The following METTL8 variants were observed in gnomAD, a reference collection of about 807,000 sequenced individuals.
METTL8 encodes methyltransferase 8, tRNA N3-cytidine.
Under a neutral mutation model 48.7 loss-of-function variants are expected in METTL8, and 32 were observed. The ratio of observed to expected loss-of-function variants is 0.66; its 90% CI spans 0.50 to 0.88. The LOEUF (loss-of-function observed/expected upper bound fraction) is 0.88, where lower values mean the gene tolerates loss of function less well. Ranked by LOEUF, METTL8 falls within the 40% of genes least tolerant of loss-of-function variation. The pLI is 0.00. For missense variants in METTL8, 464 were observed against 474.4 expected, an observed-to-expected ratio of 0.98 and a Z score of 0.20; for synonymous variants, 136 against 157.1, an observed-to-expected ratio of 0.87 and a Z score of 1.01.
At chr2:171,430,185 CCGTCT>C (rs2105685303) in intron 1 of METTL8, among the ~76,000 whole-genome samples, 1 of 152,148 alleles carries the variant, frequency 6.6e-6, no homozygotes, top group East Asian at 1.9e-4. Flanking sequence ...TGGTGAAACC[CCGTCT>C]CTACTAAAAA....
intron 1 of METTL8, among the ~76,000 whole-genome samples, chr2:171,422,013 T>C (rs151208445): frequency 6.6e-6 from 1 of 152,180 alleles, no homozygotes; most frequent in East Asian, 1.9e-4. Flanking sequence ...AAAGTGTCAA[T>C]GGCAAAAAAG....
chr2:171,366,585 A>C (rs1179437752), intron 2 of METTL8, among the ~76,000 whole-genome samples: 1 of 152,242 alleles, frequency 6.6e-6, no homozygotes, highest in Admixed American at 6.5e-5. Flanking sequence ...AAGGACTTTA[A>C]AACAGTATTG....
At chr2:171,356,214 C>A (rs1273804840) in intron 3 of METTL8, among the ~76,000 whole-genome samples, 2 of 152,062 alleles carry the variant, frequency 1.3e-5, no homozygotes, top group Non-Finnish European at 2.9e-5. Context: ...GATCTTGACT[C>A]ACTGCAACCT....
intron 2 of METTL8, among the ~76,000 whole-genome samples, chr2:171,363,796 A>ATATG (rs1685417089): frequency 8.5e-6 from 1 of 117,400 alleles, no homozygotes; most frequent in Non-Finnish European, 1.8e-5. Flanking sequence ...CAAATTTTAT[A>ATATG]TATATATATA....
At chr2:171,327,298 G>C (rs1482142031) in intron 7 of METTL8, among the ~76,000 whole-genome samples, 1 of 152,174 alleles carries the variant, frequency 6.6e-6, no homozygotes, top group Non-Finnish European at 1.5e-5. Flanking sequence ...TTATGGGCCA[G>C]GGATGGCATA....
rs945828788 is a variant in METTL8 at position 171,318,326 on chromosome 2, T to C, written c.*5846A>G. The stretch of plus-strand genomic sequence containing the variant: ...AATTGGTATTAATGTGGCATTAATG[T>C]ACATACAATGTTTTAAATAACGATG... On this transcript the variant is annotated 3_prime_UTR_variant, in exon 10 of 10. Coordinates refer to ENST00000375258, the MANE Select transcript of METTL8 (RefSeq NM_001321154.2). The C allele has an allele frequency of 1.3e-5, 2 of 152,254 alleles. No homozygotes were observed. The highest frequency in any genetic ancestry group is 2.9e-5 in the Non-Finnish European group (2 of 68,046). The allele number at this position is 152,254 out of a possible 1,614,324, so 9.4% of individuals were successfully genotyped here.
At chr2:171,331,918 C>T (rs372029049) in intron 5 of METTL8, 51 bp from the exon 6 acceptor site, 520 of 1,367,972 alleles carry the variant, frequency 3.8e-4, no homozygotes, top group Non-Finnish European at 4.6e-4. Context: ...CAGGGTCTTG[C>T]GCTGTTGCCC....
At chr2:171,333,655 A>G (rs1281770272) in intron 5 of METTL8, among the ~76,000 whole-genome samples, 1 of 152,162 alleles carries the variant, frequency 6.6e-6, no homozygotes, top group Non-Finnish European at 1.5e-5. Context: ...TTCTGATTAA[A>G]TCCATATAAT....
At chr2:171,400,039 A>T (rs917879624) in intron 1 of METTL8, among the ~76,000 whole-genome samples, 3 of 151,356 alleles carry the variant, frequency 2.0e-5, no homozygotes, top group Admixed American at 6.6e-5. Context: ...TGTAAATTTC[A>T]TTTTTTTTTA....
intron 1 of METTL8, among the ~76,000 whole-genome samples, chr2:171,396,489 G>C (rs56403470): frequency 0.071 from 10,752 of 152,052 alleles, 518 homozygotes; most frequent in Non-Finnish European, 0.1. Flanking sequence ...GTCATGTATG[G>C]CATGCTGTGT....
intron 7 of METTL8, 67 bp downstream of exon 7, chr2:171,330,492 T>C (rs2105396054): frequency 1.4e-6 from 2 of 1,467,508 alleles, no homozygotes; most frequent in East Asian, 2.3e-5. Context: ...TTTGCTTTGA[T>C]AGTTCTGAAA....
intron 1 of METTL8, among the ~76,000 whole-genome samples, chr2:171,425,533 G>C (rs528940436): frequency 6.6e-6 from 1 of 152,172 alleles, no homozygotes; most frequent in Non-Finnish European, 1.5e-5. Context: ...AGGGAATAGT[G>C]GGCAACGTCT....
At chr2:171,380,962 T>C (rs2160933) in intron 2 of METTL8, among the ~76,000 whole-genome samples, 101,302 of 152,098 alleles carry the variant, frequency 0.67, 33,740 homozygotes, top group East Asian at 0.76. Context: ...CCAAAAAGAA[T>C]AAAGCTGGAG....
chr2:171,324,403 T>C, intron 9 of METTL8, 41 bp from the exon 10 acceptor site: 1 of 1,515,648 alleles, frequency 6.6e-7, no homozygotes, highest in Non-Finnish European at 8.9e-7. Flanking sequence ...GACATGTGAC[T>C]AGAGATGGGG....
chr2:171,351,365 G>C (rs1243669517), intron 3 of METTL8, among the ~76,000 whole-genome samples: 9 of 152,114 alleles, frequency 5.9e-5, no homozygotes, highest in African/African-American at 2.2e-4. Context: ...GGTTACTGTA[G>C]GCTTGTAGTA....
rs1689257919 is a variant in METTL8, at chr2:171,397,778, AC to A, written c.-12-5582del. Among the ~76,000 whole-genome samples the A allele has an allele frequency of 2.0e-5, 3 of 152,162 alleles. No individual in the cohort carries two copies. The South Asian group carries it at 6.2e-4, about 32-fold the overall frequency. The stretch of plus-strand genomic sequence containing the variant: ...ACCTTACAGACATTGAAAAGCTAAT[AC>A]TGGGATATTATGGACAATTTTATTG... On this transcript the variant is annotated intron_variant, in intron 1 of 9. Coordinates refer to ENST00000375258, the MANE Select transcript of METTL8 (RefSeq NM_001321154.2).
intron 1 of METTL8, among the ~76,000 whole-genome samples, chr2:171,412,717 G>A (rs1469668023): frequency 6.6e-6 from 1 of 150,816 alleles, no homozygotes. Context: ...CACCAACTAT[G>A]GACTCACAGA....
chr2:171,344,970 GA>G (rs1476987849), intron 3 of METTL8, among the ~76,000 whole-genome samples: 3 of 152,194 alleles, frequency 2.0e-5, no homozygotes, highest in Non-Finnish European at 4.4e-5. Context: ...GGCAGGTCAG[GA>G]ATGATAAAAT....
At position 171,324,248 on chromosome 2, in the gene METTL8, T is replaced by C. The variant is rs758925283; in HGVS notation, c.1148A>G (p.Gln383Arg). ...GTGCAATGGTTTCTGGAATTTGCCT[T>C]GAATCCACACTCGGTGCATTTTCAC... ...KQVKMHRVWI[Q>R]GKFQKPLHQT... The change falls in exon 10 of 10, where the codon CAA becomes CGA. Residue 383 changes from glutamine (Q) to arginine (R), a missense_variant. Physicochemically the swap from Gln to Arg is conservative, Grantham distance 43. Coordinates refer to ENST00000375258, the MANE Select transcript of METTL8 (RefSeq NM_001321154.2). 9 of 1,551,456 alleles carry C rather than the reference T, an allele frequency of 5.8e-6. No homozygotes were observed. The South Asian group carries it at 8.3e-5, about 14-fold the overall frequency.
Sources: gnomAD v4.1 joint callset for allele counts (sites outside exome capture counted in the v4.1 genomes callset) on GRCh38, gnomAD v4.1.1 for gene constraint, MANE v1.5 for transcripts, NCBI Gene and HGNC (gene_info 2026-07-23, HGNC 2026-07-21) for gene names.